PDK1: variants seen among roughly 807,000 people sequenced by gnomAD.
PDK1 encodes the protein pyruvate dehydrogenase kinase 1.
A neutral mutation model predicts 54.2 loss-of-function variants in PDK1; 39 were observed. That is an observed-to-expected ratio of 0.72 (90% CI 0.56 to 0.94). The LOEUF is 0.94. PDK1 is among the 40% of genes least tolerant of loss of function. The probability of loss-of-function intolerance (pLI) is 0.00; values close to 1 mark genes in which losing one functional copy is unlikely to be tolerated. For synonymous variants in PDK1, 221 were observed against 207.1 expected (o/e 1.07, Z -0.58); for missense variants, 552 against 566.0 (o/e 0.98, Z 0.25).
chr2:172,563,900 C>T (rs1688791484), intron 3 of PDK1, among the ~76,000 whole-genome samples: 2 of 152,094 alleles, frequency 1.3e-5, no homozygotes, highest in African/African-American at 4.8e-5. Flanking sequence ...TTCTAAGTGA[C>T]AGAGATGGGA....
At chr2:172,658,080 C>T in the PDK1 span, among the ~76,000 whole-genome samples, 1 of 152,124 alleles carries the variant, frequency 6.6e-6, no homozygotes, top group Admixed American at 6.5e-5. Context: ...TAACTCACAC[C>T]ACCCCACCAC....
At chr2:172,560,252 T>TG (rs1688583239) in intron 2 of PDK1, among the ~76,000 whole-genome samples, 1 of 152,188 alleles carries the variant, frequency 6.6e-6, no homozygotes, top group Non-Finnish European at 1.5e-5. Context: ...CTTGACCTCC[T>TG]GGGGTCAAGA....
At chr2:172,666,552 T>C in the PDK1 span, among the ~76,000 whole-genome samples, 1 of 152,142 alleles carries the variant, frequency 6.6e-6, no homozygotes, top group African/African-American at 2.4e-5. Context: ...GACCACACAG[T>C]CTAAGCTAAT....
the PDK1 span, among the ~76,000 whole-genome samples, chr2:172,662,206 A>G: frequency 6.6e-6 from 1 of 152,122 alleles, no homozygotes; most frequent in African/African-American, 2.4e-5. Flanking sequence ...ACCAAAACTC[A>G]TGGTGGAACT....
the PDK1 span, among the ~76,000 whole-genome samples, chr2:172,666,232 C>G: frequency 6.6e-6 from 1 of 152,152 alleles, no homozygotes; most frequent in Non-Finnish European, 1.5e-5. Context: ...ACATGCTATT[C>G]CTTATGTCTC....
the PDK1 span, among the ~76,000 whole-genome samples, chr2:172,707,116 C>T: frequency 9.2e-5 from 14 of 152,250 alleles, no homozygotes; most frequent in African/African-American, 3.4e-4. Context: ...ACCCCACCAG[C>T]AGGGAAGGGT....
the PDK1 span, among the ~76,000 whole-genome samples, chr2:172,720,390 C>G: frequency 2.6e-5 from 4 of 152,162 alleles, no homozygotes; most frequent in South Asian, 8.3e-4. Flanking sequence ...TCTGGGTTTA[C>G]AGGCGTGAGC....
chr2:172,563,560 A>C (rs569258303), intron 3 of PDK1, among the ~76,000 whole-genome samples: 2 of 152,312 alleles, frequency 1.3e-5, no homozygotes, highest in South Asian at 4.1e-4. Flanking sequence ...TGGGCCGGGC[A>C]CGGTGGCTCA....
intron 9 of PDK1, among the ~76,000 whole-genome samples, chr2:172,587,200 C>T (rs976313339): frequency 1.3e-5 from 2 of 152,146 alleles, no homozygotes; most frequent in Admixed American, 6.5e-5. Context: ...TGCGGACCCT[C>T]GCAGTGTTAC....
the PDK1 span, among the ~76,000 whole-genome samples, chr2:172,669,706 G>A: frequency 6.6e-6 from 1 of 152,162 alleles, no homozygotes; most frequent in East Asian, 1.9e-4. Context: ...TTTAATAGAT[G>A]TGAAATGATA....
In PDK1 at chr2:172,607,951, G is replaced by C. The variant is rs1204392644; in HGVS notation, c.*11982G>C. On this transcript the variant is annotated 3_prime_UTR_variant, in exon 11 of 11. Transcript: ENST00000282077. ...TAAAAGGAGCTGTGTTTCAGTGTTA[G>C]ACTGTAGTTATCCAAGCAGTATCAG... 6.6e-6 allele frequency: 1 copy of C among 152,186 alleles called. No individual in the cohort carries two copies. The highest frequency in any genetic ancestry group is 2.4e-5 in the African/African-American group (1 of 41,448). 9.4% of individuals were successfully genotyped at this position (152,186 alleles called of 1,614,324 possible). A position where few individuals can be genotyped will look rare whatever the true frequency, so the allele number is the denominator to read the frequency against.
At chr2:172,622,255 C>CATATTATGTGAGATATGTTTATATCTCAT in the PDK1 span, among the ~76,000 whole-genome samples, 16 of 124,972 alleles carry the variant, frequency 1.3e-4, no homozygotes, top group South Asian at 1.5e-3. Context: ...GTTTATATCT[C>CATATTATGTGAGATATGTTTATATCTCAT]ATATTATGTG....
the PDK1 span, among the ~76,000 whole-genome samples, chr2:172,635,219 A>G: frequency 6.6e-6 from 1 of 152,218 alleles, no homozygotes; most frequent in Non-Finnish European, 1.5e-5. Context: ...TTTATATAAA[A>G]ATGTATTTCA....
Position 172,595,945 on chromosome 2 carries a change from C to A in PDK1, c.1287C>A (p.Asp429Glu). The part of the protein sequence containing the change: ...DWCVPSREPK[D>E]MTTFRSA ...GCGTCCCCAGCAGAGAACCCAAAGACATGACGACGTTCCGCAGTGCCTAGA... is the reference window on the plus strand; with the variant it reads ...GCGTCCCCAGCAGAGAACCCAAAGAAATGACGACGTTCCGCAGTGCCTAGA... Residue 429 changes from aspartate to glutamate, a missense_variant, in exon 11 of 11, where the codon GAC becomes GAA. Transcript: ENST00000282077. 6.2e-7 allele frequency: 1 copy of A among 1,613,056 alleles called. No individual in the cohort carries two copies. The highest frequency in any genetic ancestry group is 8.5e-7 in the Non-Finnish European group (1 of 1,179,390).
chr2:172,640,404 A>C, the PDK1 span, among the ~76,000 whole-genome samples: 1 of 152,158 alleles, frequency 6.6e-6, no homozygotes, highest in Non-Finnish European at 1.5e-5. Flanking sequence ...CCCAACCAAA[A>C]CTGCCTGAGA....
chr2:172,580,502 T>G (rs1002597834), intron 8 of PDK1, among the ~76,000 whole-genome samples: 1 of 152,196 alleles, frequency 6.6e-6, no homozygotes, highest in Non-Finnish European at 1.5e-5. Context: ...GTTCTTAGAC[T>G]CTCAGAAGAG....
At chr2:172,704,335 G>A in the PDK1 span, among the ~76,000 whole-genome samples, 1 of 152,184 alleles carries the variant, frequency 6.6e-6, no homozygotes, top group African/African-American at 2.4e-5. Context: ...AGTATGAAAA[G>A]GGGCTGTTTT....
the PDK1 span, among the ~76,000 whole-genome samples, chr2:172,698,540 T>C: frequency 6.6e-6 from 1 of 152,228 alleles, no homozygotes; most frequent in East Asian, 1.9e-4. Flanking sequence ...TGTTATATTC[T>C]TCTAAGCCTA....
At chr2:172,650,497 T>C in the PDK1 span, among the ~76,000 whole-genome samples, 1 of 152,158 alleles carries the variant, frequency 6.6e-6, no homozygotes, top group Non-Finnish European at 1.5e-5. Flanking sequence ...TAACCTTAAA[T>C]GTAAATGGGC....
Sources: gnomAD v4.1 joint callset for allele counts (sites outside exome capture counted in the v4.1 genomes callset) on GRCh38, gnomAD v4.1.1 for gene constraint, MANE v1.5 for transcripts, NCBI Gene and HGNC (gene_info 2026-07-23, HGNC 2026-07-21) for gene names.